The following HECW1 variants were observed in gnomAD, a reference collection of about 807,000 sequenced individuals.
The protein encoded by HECW1 is HECT, C2 and WW domain containing E3 ubiquitin protein ligase 1.
Under a neutral mutation model 182.3 loss-of-function variants are expected in HECW1, and 61 were observed. That is an observed-to-expected ratio of 0.33 (90% CI 0.27 to 0.41). HECW1 has a LOEUF of 0.41. Among genes scored for constraint, HECW1 ranks in the 10% least tolerant of loss-of-function variants. HECW1 has a pLI of 1.00. For missense variants in HECW1, 1,739 were observed against 2,108.9 expected, an observed-to-expected ratio of 0.82 and a Z score of 3.44; for synonymous variants, 859 against 832.6, an observed-to-expected ratio of 1.03 and a Z score of -0.55.
chr7:43,300,500 G>A (rs567010009), intron 3 of HECW1, among the ~76,000 whole-genome samples: 13 of 152,318 alleles, frequency 8.5e-5, no homozygotes, highest in Non-Finnish European at 1.6e-4. Context: ...AGGGTGGAAG[G>A]AGCGAGAGAT....
intron 14 of HECW1, 31 bp from the exon 15 acceptor site, chr7:43,466,416 C>A (rs2304330): frequency 0.4 from 644,961 of 1,598,862 alleles, 132,597 homozygotes; most frequent in Middle Eastern, 0.56. Context: ...TTTCCCAATG[C>A]ATTCTGTTGC....
chr7:43,536,440 C>T (rs1010401264), intron 24 of HECW1, among the ~76,000 whole-genome samples: 3 of 152,178 alleles, frequency 2.0e-5, no homozygotes, highest in African/African-American at 7.2e-5. Context: ...GGCTGGGACC[C>T]ACCACCCGCT....
At chr7:43,310,729 G>A (rs932222319) in intron 3 of HECW1, among the ~76,000 whole-genome samples, 3 of 152,184 alleles carry the variant, frequency 2.0e-5, no homozygotes, top group Admixed American at 1.3e-4. Context: ...ATCATAGCTG[G>A]TAAACAAAAA....
At chr7:43,245,128 G>T (rs1280814823) in intron 3 of HECW1, among the ~76,000 whole-genome samples, 4 of 152,224 alleles carry the variant, frequency 2.6e-5, no homozygotes, top group African/African-American at 9.7e-5. Flanking sequence ...CAAACATCCA[G>T]GAACAGTGTC....
At chr7:43,286,582 T>G (rs1445643269) in intron 3 of HECW1, among the ~76,000 whole-genome samples, 2 of 152,200 alleles carry the variant, frequency 1.3e-5, no homozygotes, top group African/African-American at 4.8e-5. Context: ...TGGCAGCTAT[T>G]ATTTTTTCTT....
At chr7:43,322,556 A>T (rs910097454) in intron 5 of HECW1, among the ~76,000 whole-genome samples, 1 of 151,944 alleles carries the variant, frequency 6.6e-6, no homozygotes, top group Non-Finnish European at 1.5e-5. Context: ...CCACAGCCCT[A>T]CTTCTCCATC....
intron 2 of HECW1, among the ~76,000 whole-genome samples, chr7:43,161,245 T>A (rs1790494413): frequency 6.6e-6 from 1 of 152,180 alleles, no homozygotes. Context: ...TGAGATTGCT[T>A]TGGGTTTTTT....
Position 43,223,565 on chromosome 7 carries a change from G to A in HECW1, c.-31-20310G>A, listed in dbSNP as rs549886787. On this transcript the variant is annotated intron_variant, in intron 2 of 29. Coordinates refer to ENST00000395891, the MANE Select transcript of HECW1 (RefSeq NM_015052.5). ...ACCTGGGAGGTGGAAGTTGAAGCGA[G>A]CTGAGATTGCACCATTCCACTCCAG... 1.8e-4 allele frequency among the ~76,000 whole-genome samples: 28 copies of A among 152,082 alleles called. No homozygotes were observed. In the South Asian group the frequency reaches 5.0e-3, roughly 27 times the overall value.
At chr7:43,302,377 A>G (rs1436327523) in intron 3 of HECW1, among the ~76,000 whole-genome samples, 1 of 152,192 alleles carries the variant, frequency 6.6e-6, no homozygotes, top group African/African-American at 2.4e-5. Flanking sequence ...TTCCCGGTGA[A>G]TAAGAGGAGG....
chr7:43,543,367 A>G (rs2081430609), intron 26 of HECW1, among the ~76,000 whole-genome samples: 1 of 152,212 alleles, frequency 6.6e-6, no homozygotes, highest in South Asian at 2.1e-4. Flanking sequence ...GGAAAATGTC[A>G]ACATTCTGTT....
At position 43,436,520 on chromosome 7, in the gene HECW1, A is replaced by G. The variant is rs138729162; in HGVS notation, c.802-1483A>G. ...TTTACAGGATTTGGGTAGACAGTGGAAAATTATAGTCAAAGGAGGTTGTTC... is the reference window on the plus strand; with the variant it reads ...TTTACAGGATTTGGGTAGACAGTGGGAAATTATAGTCAAAGGAGGTTGTTC... On this transcript the variant is annotated intron_variant, in intron 8 of 29. Coordinates refer to ENST00000395891, the MANE Select transcript of HECW1 (RefSeq NM_015052.5). Among the ~76,000 whole-genome samples the G allele has an allele frequency of 6.6e-3, 1,001 of 152,230 alleles. 7 individuals carry two copies. The highest frequency in any genetic ancestry group is 0.022 in the African/African-American group (923 of 41,532).
At chr7:43,248,132 G>A (rs979240923) in intron 3 of HECW1, among the ~76,000 whole-genome samples, 17 of 151,976 alleles carry the variant, frequency 1.1e-4, no homozygotes, top group African/African-American at 4.1e-4. Context: ...GGAGAGGTGA[G>A]GAGAGGAGAG....
intron 3 of HECW1, among the ~76,000 whole-genome samples, chr7:43,302,662 C>G (rs921983079): frequency 6.6e-6 from 1 of 152,198 alleles, no homozygotes; most frequent in Non-Finnish European, 1.5e-5. Context: ...ACCTCCCTTT[C>G]TCTCCTGTAT....
At chr7:43,196,472 T>C (rs1794470704) in intron 2 of HECW1, among the ~76,000 whole-genome samples, 1 of 152,346 alleles carries the variant, frequency 6.6e-6, no homozygotes, top group Non-Finnish European at 1.5e-5. Context: ...CATGCTTTGA[T>C]GACAAACAGC....
rs11976327 is a variant in HECW1 at position 43,256,622 on chromosome 7, A to G, written c.27+12690A>G. Among the ~76,000 whole-genome samples the G allele has an allele frequency of 2.8e-3, 422 of 151,928 alleles. 7 individuals carry two copies. Among genetic ancestry groups the G allele is most frequent in the African/African-American group, 9.5e-3 (395 of 41,486 alleles). On this transcript the variant is annotated intron_variant, in intron 3 of 29. Transcript: ENST00000395891. ...GAAACTTCATCTCAAAAAAAAAAAAAAAAAGAAAAGAAAAGATGAACATCA... is the reference window on the plus strand; with the variant it reads ...GAAACTTCATCTCAAAAAAAAAAAAGAAAAGAAAAGAAAAGATGAACATCA...
At chr7:43,459,140 T>A (rs2077496621) in intron 13 of HECW1, among the ~76,000 whole-genome samples, 1 of 152,176 alleles carries the variant, frequency 6.6e-6, no homozygotes, top group Non-Finnish European at 1.5e-5. Context: ...CTCAATGTCG[T>A]GCCCCAGGAA....
At chr7:43,556,713 A>C (rs1355070123) in intron 29 of HECW1, among the ~76,000 whole-genome samples, 2 of 151,940 alleles carry the variant, frequency 1.3e-5, no homozygotes, top group African/African-American at 4.8e-5. Flanking sequence ...AAAAAAAGAA[A>C]GAAAAAAGAA....
chr7:43,293,405 A>C (rs769630657), intron 3 of HECW1, among the ~76,000 whole-genome samples: 3 of 152,176 alleles, frequency 2.0e-5, no homozygotes, highest in Non-Finnish European at 2.9e-5. Flanking sequence ...GGTAGCCCAC[A>C]ATCAGTCTGA....
At chr7:43,527,554 AAG>A (rs751652990) in intron 24 of HECW1, among the ~76,000 whole-genome samples, 5 of 152,158 alleles carry the variant, frequency 3.3e-5, no homozygotes, top group Non-Finnish European at 7.4e-5. Context: ...TGGATAATCC[AAG>A]ATCATCTTAT....
Sources: gnomAD v4.1 joint callset for allele counts (sites outside exome capture counted in the v4.1 genomes callset) on GRCh38, gnomAD v4.1.1 for gene constraint, MANE v1.5 for transcripts, NCBI Gene and HGNC (gene_info 2026-07-23, HGNC 2026-07-21) for gene names.